Variants in BTRC observed in about 807,000 individuals in gnomAD.
BTRC encodes the protein F-box/WD repeat-containing protein 1A.
In BTRC, 42 loss-of-function variants were observed where a neutral mutation model predicts 85.5. That is an observed-to-expected ratio of 0.49 (90% CI 0.38 to 0.64). The LOEUF is 0.64. Among genes scored for constraint, BTRC ranks in the 30% least tolerant of loss-of-function variants. The pLI is 0.00. For missense variants in BTRC, 594 were observed against 743.5 expected (o/e 0.80, Z 2.34); for synonymous variants, 255 against 263.3 (o/e 0.97, Z 0.30).
At chr10:101,435,678 G>C (rs994372372) in intron 2 of BTRC, among the ~76,000 whole-genome samples, 1 of 150,950 alleles carries the variant, frequency 6.6e-6, no homozygotes, top group African/African-American at 2.4e-5. Flanking sequence ...TCTTTTTTTT[G>C]GCATGTATTT....
At chr10:101,410,959 A>C (rs1261532552) in intron 1 of BTRC, among the ~76,000 whole-genome samples, 1 of 151,458 alleles carries the variant, frequency 6.6e-6, no homozygotes, top group East Asian at 1.9e-4. Context: ...TTTTAAATGA[A>C]ACAATTTTAA....
intron 1 of BTRC, among the ~76,000 whole-genome samples, chr10:101,424,079 C>T (rs1185375201): frequency 6.6e-6 from 1 of 152,064 alleles, no homozygotes; most frequent in East Asian, 1.9e-4. Context: ...ACCAAAAATA[C>T]AAAAATTAGT....
At chr10:101,504,697 T>C (rs1336649878) in intron 4 of BTRC, among the ~76,000 whole-genome samples, 3 of 151,794 alleles carry the variant, frequency 2.0e-5, no homozygotes, top group African/African-American at 4.8e-5. Context: ...TTTCTTTCTC[T>C]CCTCACTTTC....
intron 1 of BTRC, among the ~76,000 whole-genome samples, chr10:101,377,509 T>C (rs954713723): frequency 5.3e-5 from 8 of 152,146 alleles, no homozygotes; most frequent in African/African-American, 1.9e-4. Context: ...TGGGTGAGAG[T>C]TCTAGTTGAT....
intron 12 of BTRC, 102 bp from the exon 13 acceptor site, chr10:101,538,191 T>G (rs2062414902): frequency 3.1e-6 from 3 of 956,000 alleles, no homozygotes; most frequent in Admixed American, 3.5e-5. Flanking sequence ...ATTTGAACTA[T>G]ACTCACCATC....
In BTRC at chr10:101,534,664, G is replaced by A. The variant is rs767433007; in HGVS notation, c.1101G>A (p.Val367=). 7 of 1,614,158 alleles carry A rather than the reference G, an allele frequency of 4.3e-6. No individual in the cohort carries two copies. The highest frequency in any genetic ancestry group is 5.1e-6 in the Non-Finnish European group (6 of 1,180,034). Residue 367 remains valine (V), a synonymous_variant, in exon 10 of 15, where the codon GTG becomes GTA. Coordinates refer to ENST00000370187, the MANE Select transcript of BTRC (RefSeq NM_033637.4). ...AAATCTCATCTATCACTTCCAGAGT[G>A]TGGGATGTAAATACAGGTGAAATGC... ...ITGSSDSTVR[V]WDVNTGEMLN... is the part of the protein sequence containing the mutation.
intron 1 of BTRC, among the ~76,000 whole-genome samples, chr10:101,422,730 T>C (rs965639142): frequency 3.9e-5 from 6 of 152,240 alleles, no homozygotes; most frequent in Non-Finnish European, 5.9e-5. Flanking sequence ...TAGGGAATCC[T>C]TTCCCCATTT....
chr10:101,393,079 A>T (rs190030748), intron 1 of BTRC, among the ~76,000 whole-genome samples: 1 of 152,126 alleles, frequency 6.6e-6, no homozygotes, highest in African/African-American at 2.4e-5. Context: ...AGAGGGTCCC[A>T]CCTCATACCC....
intron 12 of BTRC, 53 bp downstream of exon 12, chr10:101,536,706 C>A (rs894319366): frequency 7.3e-7 from 1 of 1,370,078 alleles, no homozygotes; most frequent in South Asian, 1.2e-5. Context: ...TTAATCCTTC[C>A]TTATGTTTAT....
At chr10:101,529,709 G>A (rs1444973690) in intron 6 of BTRC, among the ~76,000 whole-genome samples, 1 of 152,042 alleles carries the variant, frequency 6.6e-6, no homozygotes, top group African/African-American at 2.4e-5. Context: ...ACAGAAGTTA[G>A]AGCCATCTAC....
intron 1 of BTRC, among the ~76,000 whole-genome samples, chr10:101,401,857 AAAAG>A (rs1680166918): frequency 6.6e-6 from 1 of 151,650 alleles, no homozygotes; most frequent in African/African-American, 2.4e-5. Context: ...AAAAAAAAGA[AAAAG>A]AAAAACAATG....
At chr10:101,468,519 G>A (rs1410552217) in intron 3 of BTRC, among the ~76,000 whole-genome samples, 2 of 152,176 alleles carry the variant, frequency 1.3e-5, no homozygotes, top group South Asian at 2.1e-4. Flanking sequence ...ACAAGATTCA[G>A]TAGCATCTGT....
chr10:101,483,113 C>T (rs1463438329), intron 4 of BTRC, among the ~76,000 whole-genome samples: 3 of 151,946 alleles, frequency 2.0e-5, no homozygotes, highest in Non-Finnish European at 4.4e-5. Context: ...ATGTTTGGAC[C>T]CCTATAATAC....
At chr10:101,384,405 G>A (rs532122977) in intron 1 of BTRC, among the ~76,000 whole-genome samples, 1 of 152,184 alleles carries the variant, frequency 6.6e-6, no homozygotes, top group Admixed American at 6.5e-5. Flanking sequence ...GTGCCAGTAC[G>A]TGCAGGTAGA....
chr10:101,541,171 CTT>C (rs2062459703), intron 13 of BTRC, among the ~76,000 whole-genome samples: 1 of 151,304 alleles, frequency 6.6e-6, no homozygotes, highest in Non-Finnish European at 1.5e-5. Context: ...GTGAATGTCC[CTT>C]TTTTGTTCAT....
intron 1 of BTRC, among the ~76,000 whole-genome samples, chr10:101,418,300 G>A (rs553152466): frequency 8.0e-4 from 121 of 152,040 alleles, no homozygotes; most frequent in African/African-American, 1.3e-3. Flanking sequence ...CCTGAGAGGC[G>A]GAGGTTGCAG....
intron 4 of BTRC, among the ~76,000 whole-genome samples, chr10:101,488,024 T>C (rs1351016424): frequency 6.6e-6 from 1 of 152,196 alleles, no homozygotes; most frequent in Non-Finnish European, 1.5e-5. Flanking sequence ...AGTCATTTGA[T>C]TTTGATTACC....
intron 1 of BTRC, among the ~76,000 whole-genome samples, chr10:101,393,322 A>G (rs1943283945): frequency 6.6e-6 from 1 of 152,270 alleles, no homozygotes; most frequent in South Asian, 2.1e-4. Context: ...TCTGTGAGCC[A>G]CTTCAGCAAA....
intron 4 of BTRC, among the ~76,000 whole-genome samples, chr10:101,494,249 A>G (rs1946205421): frequency 6.6e-6 from 1 of 152,218 alleles, no homozygotes; most frequent in Non-Finnish European, 1.5e-5. Context: ...ACATGCAGGA[A>G]AGATCCAGGA....
Sources: gnomAD v4.1 joint callset for allele counts (sites outside exome capture counted in the v4.1 genomes callset) on GRCh38, gnomAD v4.1.1 for gene constraint, MANE v1.5 for transcripts, NCBI Gene and HGNC (gene_info 2026-07-23, HGNC 2026-07-21) for gene names.